Variants in VGLL3 observed in about 807,000 individuals in gnomAD.
VGLL3 encodes the protein vestigial like family member 3.
Under a neutral mutation model 29.2 loss-of-function variants are expected in VGLL3, and 18 were observed. The ratio of observed to expected loss-of-function variants is 0.62; its 90% CI spans 0.43 to 0.91. VGLL3 has a LOEUF of 0.91. Ranked by LOEUF, VGLL3 falls within the 40% of genes least tolerant of loss-of-function variation. The pLI is 0.00. For synonymous variants in VGLL3, 180 were observed against 151.8 expected (o/e 1.19, Z -1.36); for missense variants, 440 against 413.2 (o/e 1.06, Z -0.56).
At chr3:86,980,845 GA>G (rs79689152) in intron 1 of VGLL3, among the ~76,000 whole-genome samples, 13,771 of 145,504 alleles carry the variant, frequency 0.095, 1,700 homozygotes, top group African/African-American at 0.28. Flanking sequence ...GTTTTTCTAT[GA>G]AAAAAAAAAA....
intron 3 of VGLL3, among the ~76,000 whole-genome samples, chr3:86,951,736 C>A (rs898586060): frequency 6.6e-6 from 1 of 150,940 alleles, no homozygotes; most frequent in African/African-American, 2.4e-5. Flanking sequence ...TTATCCCCCC[C>A]AAAAAATCTT....
chr3:86,978,169 G>C (rs1305437353), intron 2 of VGLL3, among the ~76,000 whole-genome samples: 1 of 152,206 alleles, frequency 6.6e-6, no homozygotes, highest in Non-Finnish European at 1.5e-5. Flanking sequence ...GAATGAGCAA[G>C]AGCTAATTTT....
intron 2 of VGLL3, among the ~76,000 whole-genome samples, chr3:86,976,455 T>C (rs576827070): frequency 5.3e-5 from 8 of 152,340 alleles, no homozygotes; most frequent in Admixed American, 4.6e-4. Context: ...ACTTAGCACA[T>C]TGCCTAACAC....
intron 3 of VGLL3, among the ~76,000 whole-genome samples, chr3:86,960,957 ATATATATATG>A (rs908034057): frequency 1.8e-4 from 21 of 119,178 alleles, no homozygotes; most frequent in Admixed American, 4.1e-4. Flanking sequence ...ATATATATAT[ATATATATATG>A]CATATGATGT....
chr3:86,990,607 C>T lies in VGLL3; in HGVS notation c.126+11G>A, dbSNP rs1559737586. ...CCCCGCCCCCAGCAGGCTGCCCGTC[C>T]GGTGACTCACCTGCTGGCCAGGTTG... is the stretch of plus-strand genomic sequence containing the variant. On this transcript the variant is annotated intron_variant, in intron 1 of 3. Transcript: ENST00000398399. 1.5e-6 allele frequency: 2 copies of T among 1,340,460 alleles called. No homozygotes were observed. Among genetic ancestry groups the T allele is most frequent in the Non-Finnish European group, 1.9e-6 (2 of 1,036,728 alleles). The allele number at this position is 1,340,460 out of a possible 1,614,324, so 83.0% of individuals were successfully genotyped here. A position where few individuals can be genotyped will look rare whatever the true frequency, so the allele number is the denominator to read the frequency against.
In VGLL3 at chr3:86,946,771, A is replaced by G. The variant is rs1351337790; in HGVS notation, c.*253T>C. On this transcript the variant is annotated 3_prime_UTR_variant, in exon 4 of 4. Transcript: ENST00000398399. Reference sequence around the variant, plus strand: ...TTAGCTATATATTGATAAAAGCAAGATAACAAAAGGAGAGAGTTGCACAGT... The same window carrying G: ...TTAGCTATATATTGATAAAAGCAAGGTAACAAAAGGAGAGAGTTGCACAGT... 1 of 387,920 alleles carries G rather than the reference A, an allele frequency of 2.6e-6. No individual in the cohort carries two copies. Among genetic ancestry groups the G allele is most frequent in the Non-Finnish European group, 4.6e-6 (1 of 217,264 alleles). The allele number at this position is 387,920 out of a possible 1,614,324, so 24.0% of individuals were successfully genotyped here.
intron 1 of VGLL3, among the ~76,000 whole-genome samples, chr3:86,983,794 A>T (rs562481026): frequency 1.3e-5 from 2 of 152,276 alleles, no homozygotes; most frequent in South Asian, 4.1e-4. Flanking sequence ...ATATATCACA[A>T]ATCTTTTGTA....
intron 3 of VGLL3, among the ~76,000 whole-genome samples, chr3:86,961,169 C>A (rs1170452820): frequency 6.6e-6 from 1 of 151,894 alleles, no homozygotes; most frequent in Non-Finnish European, 1.5e-5. Flanking sequence ...ATCTGTGGAT[C>A]TACAGATGAA....
Position 86,968,868 on chromosome 3 carries a change from C to T in VGLL3, c.659G>A (p.Ser220Asn). 6.2e-7 allele frequency: 1 copy of T among 1,614,112 alleles called. No homozygotes were observed. Among genetic ancestry groups the T allele is most frequent in the Non-Finnish European group, 8.5e-7 (1 of 1,180,030 alleles). The change falls in exon 3 of 4, where the codon AGC becomes AAC. Residue 220 changes from serine (S) to asparagine (N), a missense_variant. Ser to Asn is a conservative substitution (Grantham distance 46). Transcript: ENST00000398399. ...PLTSQVSPSY[S>N]HMHDVYMRHH... ...CCGCATGTACACGTCATGCATATGG[C>T]TGTAGGATGGGCTCACCTGAGATGT... is the stretch of plus-strand genomic sequence containing the variant.
chr3:86,986,400 T>A (rs909783288), intron 1 of VGLL3, among the ~76,000 whole-genome samples: 8 of 152,168 alleles, frequency 5.3e-5, no homozygotes, highest in African/African-American at 1.7e-4. Context: ...CTGCCAGAGA[T>A]AAGAGTTCAA....
At chr3:86,979,304 T>G (rs940071817) in intron 1 of VGLL3, among the ~76,000 whole-genome samples, 1 of 152,148 alleles carries the variant, frequency 6.6e-6, no homozygotes, top group African/African-American at 2.4e-5. Flanking sequence ...GAATGTAGCA[T>G]CTTATAAAAG....
At chr3:86,970,923 A>G (rs1346360338) in intron 2 of VGLL3, among the ~76,000 whole-genome samples, 1 of 152,210 alleles carries the variant, frequency 6.6e-6, no homozygotes, top group Non-Finnish European at 1.5e-5. Context: ...TGAACTCATT[A>G]ATTCAAATTA....
intron 3 of VGLL3, among the ~76,000 whole-genome samples, chr3:86,957,157 A>C (rs1448738387): frequency 2.0e-5 from 3 of 152,224 alleles, no homozygotes; most frequent in Non-Finnish European, 4.4e-5. Context: ...CAAATGTATA[A>C]AAATGTCTTG....
At chr3:86,970,006 T>C (rs1705060453) in intron 2 of VGLL3, among the ~76,000 whole-genome samples, 1 of 152,072 alleles carries the variant, frequency 6.6e-6, no homozygotes, top group South Asian at 2.1e-4. Context: ...GAGGGCGCAA[T>C]TGTAACTGTG....
rs532606654 is a variant in VGLL3, at chr3:86,960,351, G to A, written c.937+8239C>T. ...GTTTTTATGATATCATCAGGCACAA[G>A]CTGTCCATGAAGAGAAAAGCATAGA... On this transcript the variant is annotated intron_variant, in intron 3 of 3. Transcript: ENST00000398399. 9.9e-5 allele frequency among the ~76,000 whole-genome samples: 15 copies of A among 152,214 alleles called. 1 individual carries two copies. Among genetic ancestry groups the A allele is most frequent in the African/African-American group, 3.6e-4 (15 of 41,562 alleles).
rs1053311386 is a variant in VGLL3, at chr3:86,938,551, G to A, written c.*8473C>T. 1 of 152,636 alleles carries A rather than the reference G, an allele frequency of 6.6e-6. No homozygotes were observed. Among genetic ancestry groups the A allele is most frequent in the Non-Finnish European group, 1.5e-5 (1 of 68,046 alleles). The allele number at this position is 152,636 out of a possible 1,614,324, so 9.5% of individuals were successfully genotyped here. On this transcript the variant is annotated 3_prime_UTR_variant, in exon 4 of 4. Transcript: ENST00000398399. ...TCTGCAAATAGTCTCTTGTACAAGT[G>A]CAAAGCAAAGATCAATGCTGATGTT... is the stretch of plus-strand genomic sequence containing the variant.
At chr3:86,980,202 A>G (rs1296900097) in intron 1 of VGLL3, among the ~76,000 whole-genome samples, 1 of 151,948 alleles carries the variant, frequency 6.6e-6, no homozygotes, top group Non-Finnish European at 1.5e-5. Flanking sequence ...ATCACTCCAG[A>G]ATACCCAGTA....
At chr3:86,953,378 C>A (rs949242694) in intron 3 of VGLL3, among the ~76,000 whole-genome samples, 1 of 152,032 alleles carries the variant, frequency 6.6e-6, no homozygotes, top group African/African-American at 2.4e-5. Flanking sequence ...TATACTATTA[C>A]CCAATTCTCT....
At chr3:86,969,383 G>A (rs1705041929) in intron 2 of VGLL3, among the ~76,000 whole-genome samples, 1 of 152,164 alleles carries the variant, frequency 6.6e-6, no homozygotes, top group Admixed American at 6.5e-5. Flanking sequence ...GTCACAGTCT[G>A]TGCTAAGGTT....
Sources: allele counts gnomAD v4.1 joint callset (sites outside exome capture counted in the v4.1 genomes callset), GRCh38; gene constraint gnomAD v4.1.1; transcripts MANE v1.5; gene names NCBI Gene and HGNC (gene_info 2026-07-23, HGNC 2026-07-21).